Variants in CEP72 observed in about 807,000 individuals in gnomAD.
The protein encoded by CEP72 is centrosomal protein 72, also known as centrosomal protein of 72 kDa.
Under a neutral mutation model 65.7 loss-of-function variants are expected in CEP72, and 78 were observed. The ratio of observed to expected loss-of-function variants is 1.19; its 90% CI spans 0.99 to 1.43. The LOEUF is 1.43. Ranked by LOEUF, CEP72 falls within the 40% of genes most tolerant of loss-of-function variation. CEP72 has a pLI of 0.00. For missense variants in CEP72, 914 were observed against 832.9 expected (o/e 1.10, Z -1.20); for synonymous variants, 358 against 351.7 (o/e 1.02, Z -0.20).
At position 623,588 on chromosome 5, in the gene CEP72, C is replaced by T. The variant is rs888736545; in HGVS notation, c.404-883C>T. 6.6e-6 allele frequency among the ~76,000 whole-genome samples: 1 copy of T among 151,474 alleles called. No individual in the cohort carries two copies. Among genetic ancestry groups the T allele is most frequent in the Non-Finnish European group, 1.5e-5 (1 of 67,932 alleles). On this transcript the variant is annotated intron_variant, in intron 3 of 11. Coordinates refer to ENST00000264935, the MANE Select transcript of CEP72 (RefSeq NM_018140.4). This position sits in a 1 kb window ranked among gnomAD's most constrained non-coding sequence, Gnocchi z 5.3. ...ATTTGGAACTGACTCAGAAGGGAAG[C>T]GAGTCTTGGTGGGCAGAGAGCTATG... is the stretch of plus-strand genomic sequence containing the variant.
chr5:659,570 T>G (rs1580057988), downstream of CEP72, among the ~76,000 whole-genome samples: 1 of 150,110 alleles, frequency 6.7e-6, no homozygotes, highest in Non-Finnish European at 1.5e-5. Context: ...TCTGGTGGTG[T>G]TCACAGTGTT....
chr5:617,734 G>C, intron 1 of CEP72, among the ~76,000 whole-genome samples: 1 of 152,280 alleles, frequency 6.6e-6, no homozygotes, highest in South Asian at 2.1e-4. Flanking sequence ...ATGTGGTGGC[G>C]TGTCCCTGTA....
chr5:671,898 T>G (rs1259055775), downstream of CEP72, among the ~76,000 whole-genome samples: 2 of 152,136 alleles, frequency 1.3e-5, no homozygotes, highest in African/African-American at 4.8e-5. Context: ...TCCCCCGGGC[T>G]GGGTACCACG....
the CEP72 span, among the ~76,000 whole-genome samples, chr5:675,671 A>T: frequency 6.6e-6 from 1 of 151,952 alleles, no homozygotes; most frequent in Admixed American, 6.5e-5. Flanking sequence ...GCTGAGCCCC[A>T]GCCCTTGTTG....
At chr5:658,275 G>T (rs1408267503), downstream of CEP72, among the ~76,000 whole-genome samples, 1 of 152,194 alleles carries the variant, frequency 6.6e-6, no homozygotes, top group Non-Finnish European at 1.5e-5. Flanking sequence ...AAGCAGGCAG[G>T]GCCTGGGCCT....
chr5:642,657 GGCAGCCCTGGGCCTCTGGACAGA>G (rs1367829932), intron 9 of CEP72: 72 of 985,356 alleles, frequency 7.3e-5, no homozygotes, highest in Admixed American at 3.1e-4. Context: ...GCAGTTTGCA[GGCAGCCCTGGGCCTCTGGACAGA>G]GCAGCCCTGG....
At chr5:665,919 G>GGCCCCCCCCCCCC in intron 3 of CEP72, 6 of 344,042 alleles carry the variant, frequency 1.7e-5, no homozygotes, top group Non-Finnish European at 2.4e-5. Flanking sequence ...CACCTTCCAG[G>GGCCCCCCCCCCCC]CCCCGCCCCC....
At position 613,959 on chromosome 5, in the gene CEP72, C is replaced by A. The variant is rs1021954331; in HGVS notation, c.82+1516C>A. Reference sequence around the variant, plus strand: ...TCCTGAGGCAGTAGGCACCACAGGGCTCTGAGGAAGCAGGTGAGAGGGCAG... The same window carrying A: ...TCCTGAGGCAGTAGGCACCACAGGGATCTGAGGAAGCAGGTGAGAGGGCAG... On this transcript the variant is annotated intron_variant, in intron 1 of 11. Coordinates refer to ENST00000264935, the MANE Select transcript of CEP72 (RefSeq NM_018140.4). Among the ~76,000 whole-genome samples the A allele has an allele frequency of 1.3e-5, 2 of 152,340 alleles. 1 individual carries two copies. The highest frequency in any genetic ancestry group is 4.1e-4 in the South Asian group (2 of 4,826).
At chr5:670,863 G>A (rs1333645243), downstream of CEP72, among the ~76,000 whole-genome samples, 2 of 152,198 alleles carry the variant, frequency 1.3e-5, no homozygotes, top group Admixed American at 6.5e-5. Flanking sequence ...ACCAGCAGCT[G>A]AGCACCTGGG....
exon 3 of CEP72, chr5:665,243 C>A: frequency 1.2e-6 from 2 of 1,613,766 alleles, no homozygotes; most frequent in South Asian, 2.2e-5. Flanking sequence ...TGTGGGAGCC[C>A]GTGAACTTGG....
downstream of CEP72, among the ~76,000 whole-genome samples, chr5:668,997 C>T (rs113978378): frequency 1.9e-3 from 294 of 152,344 alleles, no homozygotes; most frequent in Non-Finnish European, 3.6e-3. Context: ...ACTTTACACG[C>T]GTGTCCTAAA....
intron 11 of CEP72, among the ~76,000 whole-genome samples, chr5:650,049 C>G (rs868722985): frequency 1.3e-5 from 1 of 77,704 alleles, no homozygotes; most frequent in African/African-American, 7.4e-5. Context: ...GAGGCGTGGA[C>G]TGTGAGGTGT....
At chr5:632,683 G>A (rs1323007514) in intron 4 of CEP72, among the ~76,000 whole-genome samples, 2 of 28,562 alleles carry the variant, frequency 7.0e-5, no homozygotes, top group Non-Finnish European at 1.4e-4. Context: ...GTTCTGTCCA[G>A]TGCCGGGATT....
At position 624,651 on chromosome 5, in the gene CEP72, T is replaced by G. The variant is rs1356908594; in HGVS notation, c.512+72T>G. On this transcript the variant is annotated intron_variant, in intron 4 of 11. Coordinates refer to ENST00000264935, the MANE Select transcript of CEP72 (RefSeq NM_018140.4). The surrounding 1 kb of genome is among the most constrained non-coding windows in gnomAD (Gnocchi z 4.7). ...TGCTGTCAGGAGGATTAACCGAACGTCATTCACTGTGTGCCGGTCACTCTC... is the reference window on the plus strand; with the variant it reads ...TGCTGTCAGGAGGATTAACCGAACGGCATTCACTGTGTGCCGGTCACTCTC... 1.0e-5 allele frequency: 11 copies of G among 1,083,508 alleles called. No homozygotes were observed. The highest frequency in any genetic ancestry group is 3.1e-5 in the African/African-American group (2 of 64,552). 67.1% of individuals were successfully genotyped at this position (1,083,508 alleles called of 1,614,324 possible). A position where few individuals can be genotyped will look rare whatever the true frequency, so the allele number is the denominator to read the frequency against.
intron 6 of CEP72, among the ~76,000 whole-genome samples, chr5:637,196 A>G (rs1044316363): frequency 6.6e-6 from 1 of 152,212 alleles, no homozygotes; most frequent in Admixed American, 6.5e-5. Flanking sequence ...AGCGTACTGC[A>G]CGTCGGTCAT....
intron 9 of CEP72, chr5:642,196 C>T (rs1488811203): frequency 1.3e-6 from 1 of 773,686 alleles, no homozygotes; most frequent in East Asian, 2.1e-4. Context: ...ACACGTGGTC[C>T]CCCATCTAGA....
rs1363081800 is a variant in CEP72 at position 633,916 on chromosome 5, G to C, written c.660G>C (p.Lys220Asn). 2 of 1,612,768 alleles carry C rather than the reference G, an allele frequency of 1.2e-6. No individual in the cohort carries two copies. Among genetic ancestry groups the C allele is most frequent in the African/African-American group, 1.3e-5 (1 of 75,070 alleles). Residue 220 changes from lysine to asparagine, a missense_variant, in exon 5 of 12, where the codon AAG becomes AAC. Coordinates refer to ENST00000264935, the MANE Select transcript of CEP72 (RefSeq NM_018140.4). Reference sequence around the variant, plus strand: ...CCGGGAGCACGAGCTTCAGCCAGAAGGGGCGTGAGGCCGACTCTCGTGGTT... The same window carrying C: ...CCGGGAGCACGAGCTTCAGCCAGAACGGGCGTGAGGCCGACTCTCGTGGTT... ...RPPGSTSFSQ[K>N]GREADSRGSQ...
chr5:618,535 C>T (rs1262743814), intron 1 of CEP72, among the ~76,000 whole-genome samples: 1 of 152,066 alleles, frequency 6.6e-6, no homozygotes, highest in Non-Finnish European at 1.5e-5. Context: ...TGAGGTGGGC[C>T]TGGGGCCACT....
the CEP72 span, among the ~76,000 whole-genome samples, chr5:674,520 G>C: frequency 6.6e-6 from 1 of 152,166 alleles, no homozygotes; most frequent in Non-Finnish European, 1.5e-5. Context: ...CCCCTTGGCA[G>C]AGTGAGTTCT....
Sources: allele counts gnomAD v4.1 joint callset (sites outside exome capture counted in the v4.1 genomes callset), GRCh38; gene constraint gnomAD v4.1.1; non-coding constraint Gnocchi (gnomAD v3.1); transcripts MANE v1.5; gene names NCBI Gene and HGNC (gene_info 2026-07-23, HGNC 2026-07-21).